RAI2: variants seen among roughly 807,000 people sequenced by gnomAD.
The protein encoded by RAI2 is retinoic acid-induced protein 2.
In RAI2, 5 loss-of-function variants were observed where a neutral mutation model predicts 15.3. The observed-to-expected ratio is 0.33, with a 90% CI of 0.17 to 0.69. The LOEUF is 0.69. Ranked by LOEUF, RAI2 falls within the 30% of genes least tolerant of loss-of-function variation. RAI2 has a pLI of 0.69. For missense variants in RAI2, 424 were observed against 424.7 expected, an observed-to-expected ratio of 1.00 and a Z score of 0.01; for synonymous variants, 191 against 184.0, an observed-to-expected ratio of 1.04 and a Z score of -0.31.
chrX:17,812,760 G>T (rs1030393161), intron 1 of RAI2, among the ~76,000 whole-genome samples: 1 of 112,015 alleles, frequency 8.9e-6, no homozygotes, highest in East Asian at 2.8e-4. Flanking sequence ...GAGGATGAGG[G>T]TAAGGATAAG....
At chrX:17,837,506 G>GCCAGTGA (rs1259970781) in intron 1 of RAI2, 1 of 112,103 alleles carries the variant, frequency 8.9e-6, no homozygotes, top group African/African-American at 3.2e-5. Flanking sequence ...TCCTGAAGCA[G>GCCAGTGA]CCAGTGACCC....
intron 1 of RAI2, among the ~76,000 whole-genome samples, chrX:17,838,500 T>A (rs951173464): frequency 1.8e-5 from 2 of 111,316 alleles, no homozygotes; most frequent in South Asian, 7.7e-4. Context: ...AGGGAGAAAA[T>A]GTTTGAGAGG....
At chrX:17,838,896 C>T (rs2067367050) in intron 1 of RAI2, among the ~76,000 whole-genome samples, 1 of 112,094 alleles carries the variant, frequency 8.9e-6, no homozygotes, top group Admixed American at 9.4e-5. Context: ...GCAAAGCACA[C>T]ATCACATGCT....
intron 1 of RAI2, among the ~76,000 whole-genome samples, chrX:17,860,225 G>A (rs1033491638): frequency 8.9e-6 from 1 of 112,216 alleles, no homozygotes; most frequent in African/African-American, 3.2e-5. Flanking sequence ...AGCAACTGTG[G>A]TGGGATGCCA....
At chrX:17,816,987 A>AGAT (rs1432202514) in intron 1 of RAI2, among the ~76,000 whole-genome samples, 37 of 111,147 alleles carry the variant, frequency 3.3e-4, no homozygotes, top group African/African-American at 1.2e-3. Flanking sequence ...TCCCTGTTGA[A>AGAT]GATAGTGGAG....
At chrX:17,811,803 A>C (rs924225746) in intron 1 of RAI2, among the ~76,000 whole-genome samples, 1 of 111,732 alleles carries the variant, frequency 8.9e-6, no homozygotes, top group Non-Finnish European at 1.9e-5. Flanking sequence ...GAGAGTGGTT[A>C]GGAGTATAAG....
chrX:17,804,256 G>A (rs1447209641), intron 1 of RAI2, among the ~76,000 whole-genome samples: 1 of 112,081 alleles, frequency 8.9e-6, no homozygotes, highest in Non-Finnish European at 1.9e-5. Context: ...ACTGCACCTG[G>A]CCTCTAATAC....
intron 1 of RAI2, among the ~76,000 whole-genome samples, chrX:17,828,024 G>A (rs1601919303): frequency 9.0e-6 from 1 of 110,782 alleles, no homozygotes; most frequent in South Asian, 4.0e-4. Flanking sequence ...ATTTTTGGTT[G>A]TCCCTAACTT....
At chrX:17,824,460 G>A (rs775738799) in intron 1 of RAI2, among the ~76,000 whole-genome samples, 5 of 112,109 alleles carry the variant, frequency 4.5e-5, no homozygotes, top group African/African-American at 1.3e-4. Context: ...TAAGAACTCA[G>A]TGCAGACTCC....
chrX:17,839,532 T>C (rs2067373872), intron 1 of RAI2, among the ~76,000 whole-genome samples: 1 of 112,607 alleles, frequency 8.9e-6, no homozygotes, highest in Admixed American at 9.4e-5. Flanking sequence ...AAACCCTTTT[T>C]CTGCTGTTGT....
chrX:17,807,686 C>T (rs1332614696), intron 1 of RAI2, among the ~76,000 whole-genome samples: 1 of 112,032 alleles, frequency 8.9e-6, no homozygotes, highest in Non-Finnish European at 1.9e-5. Context: ...ATGGCAGCCA[C>T]TCACCTTCAC....
At chrX:17,813,105 G>T (rs929758070) in intron 1 of RAI2, among the ~76,000 whole-genome samples, 1 of 111,464 alleles carries the variant, frequency 9.0e-6, no homozygotes, top group African/African-American at 3.3e-5. Context: ...ACTTAGGGAA[G>T]GTGCTCCAAA....
At chrX:17,809,723 C>T (rs753687493) in intron 1 of RAI2, among the ~76,000 whole-genome samples, 1 of 110,748 alleles carries the variant, frequency 9.0e-6, no homozygotes, top group East Asian at 2.9e-4. Context: ...CAGGGTGCCC[C>T]TGCCTTAACA....
At chrX:17,835,038 G>C (rs968836271) in intron 1 of RAI2, among the ~76,000 whole-genome samples, 1 of 111,220 alleles carries the variant, frequency 9.0e-6, no homozygotes, top group African/African-American at 3.3e-5. Flanking sequence ...CTGTAATCTC[G>C]GGGACCTCCC....
intron 1 of RAI2, among the ~76,000 whole-genome samples, chrX:17,825,044 T>C (rs1015036457): frequency 2.7e-5 from 3 of 112,705 alleles, no homozygotes; most frequent in Admixed American, 9.4e-5. Flanking sequence ...TGTATGTGTA[T>C]GTACTTCTTG....
chrX:17,830,732 G>T (rs189241540), intron 1 of RAI2, among the ~76,000 whole-genome samples: 1 of 110,652 alleles, frequency 9.0e-6, no homozygotes, highest in East Asian at 2.8e-4. Flanking sequence ...AGGTCATCTG[G>T]GGTGTGTGTG....
chrX:17,850,457 A>G (rs1329931087), intron 1 of RAI2, among the ~76,000 whole-genome samples: 1 of 112,693 alleles, frequency 8.9e-6, no homozygotes, highest in East Asian at 2.8e-4. Flanking sequence ...TTGAGGCTGC[A>G]CGCTTGTGCG....
At chrX:17,803,100 A>AT (rs951588569) in intron 1 of RAI2, among the ~76,000 whole-genome samples, 5 of 111,260 alleles carry the variant, frequency 4.5e-5, no homozygotes, top group African/African-American at 9.8e-5. Flanking sequence ...GGCAACTGAG[A>AT]TTTTTTACCT....
chrX:17,850,339 T>C (rs1161971074), intron 1 of RAI2, among the ~76,000 whole-genome samples: 1 of 111,947 alleles, frequency 8.9e-6, no homozygotes, highest in Non-Finnish European at 1.9e-5. Flanking sequence ...CCTGTGCTCA[T>C]GACAGCAGTG....
Sources: allele counts gnomAD v4.1 joint callset (sites outside exome capture counted in the v4.1 genomes callset), GRCh38; gene constraint gnomAD v4.1.1; transcripts MANE v1.5; gene names NCBI Gene and HGNC (gene_info 2026-07-23, HGNC 2026-07-21).